Variants in FLG observed in about 807,000 individuals in gnomAD.
The protein encoded by FLG is filaggrin.
Under a neutral mutation model 3.8 loss-of-function variants are expected in FLG, and 6 were observed. That is an observed-to-expected ratio of 1.60 (90% CI 0.87 to 3.15). The LOEUF (loss-of-function observed/expected upper bound fraction) is 3.15, where lower values mean the gene tolerates loss of function less well. Among genes scored for constraint, FLG ranks in the 30% most tolerant of loss-of-function variants. The pLI is 0.00. For synonymous variants in FLG, 2,551 were observed against 1,931.6 expected (o/e 1.32, Z -8.41); for missense variants, 7,595 against 5,050.9 (o/e 1.50, Z -15.27).
rs137995883 is a variant in FLG at position 152,313,079 on chromosome 1, C to T, written c.1807G>A (p.Val603Met). The T allele has an allele frequency of 1.2e-3, 1,932 of 1,613,912 alleles. 2 individuals are homozygous for T. Among genetic ancestry groups the T allele is most frequent in the Non-Finnish European group, 1.5e-3 (1,727 of 1,180,006 alleles). Residue 603 changes from valine to methionine, a missense_variant, in exon 3 of 3, where the codon GTG (valine) becomes ATG (methionine). Transcript: ENST00000368799. ...GGCCCCGATGATTGTCCCTGGCCCACCTGTGAGTGTCTAGAGCTGTCAGCC... is the reference window on the plus strand; with the variant it reads ...GGCCCCGATGATTGTCCCTGGCCCATCTGTGAGTGTCTAGAGCTGTCAGCC... ...SQADSSRHSQ[V>M]GQGQSSGPRT...
rs1394530040 is a variant in FLG, at chr1:152,303,686, T to G, written c.11200A>C (p.Arg3734=). The G allele has an allele frequency of 6.2e-7, 1 of 1,614,078 alleles. No homozygotes were observed. Among genetic ancestry groups the G allele is most frequent in the Non-Finnish European group, 8.5e-7 (1 of 1,179,968 alleles). Residue 3734 remains arginine (R), a synonymous_variant, in exon 3 of 3, where the codon AGA becomes CGA. Coordinates refer to ENST00000368799, the MANE Select transcript of FLG (RefSeq NM_002016.2). Reference sequence around the variant, plus strand: ...GCCTGCTCGTGGCGGGATCCTTGTCTTCCTCCAGTACTGGGCCCAGCCCGT... The same window carrying G: ...GCCTGCTCGTGGCGGGATCCTTGTCGTCCTCCAGTACTGGGCCCAGCCCGT... ...HGRAGPSTGG[R]QGSRHEQARD...
At position 152,310,943 on chromosome 1, in the gene FLG, C is replaced by T. The variant is rs754231098; in HGVS notation, c.3943G>A (p.Asp1315Asn). 1.9e-6 allele frequency: 3 copies of T among 1,613,856 alleles called. No homozygotes were observed. The highest frequency in any genetic ancestry group is 2.5e-6 in the Non-Finnish European group (3 of 1,180,022). Reference protein sequence around the residue: ...GSRHPGFHQEDRASHGHSADS... With the variant: ...GSRHPGFHQENRASHGHSADS... ...GCAGAGTGCCCGTGACTGGCTCTGT[C>T]TTCTTGATGGAACCCAGGGTGTCTG... Residue 1315 changes from aspartate to asparagine, a missense_variant, in exon 3 of 3, where the codon GAC (aspartate) becomes AAC (asparagine). Transcript: ENST00000368799.
chr1:152,309,209 C>G lies in FLG; in HGVS notation c.5677G>C (p.Asp1893His). 1 of 1,613,532 alleles carries G rather than the reference C, an allele frequency of 6.2e-7. No homozygotes were observed. Among genetic ancestry groups the G allele is most frequent in the Non-Finnish European group, 8.5e-7 (1 of 1,179,910 alleles). ...CCCACCTGCGAGTGTCTAGAGCTGT[C>G]GGCCCGAGAGGAAGCTTCATGGTGA... The part of the protein sequence containing the change: ...SRHHEASSRA[D>H]SSRHSQVGQG... Residue 1893 changes from aspartate (D) to histidine (H), a missense_variant, in exon 3 of 3, where the codon GAC (aspartate) becomes CAC (histidine). Physicochemically the swap from Asp to His is moderately conservative, Grantham distance 81 (BLOSUM62 -1). Transcript: ENST00000368799.
chr1:152,308,285 C>T lies in FLG; in HGVS notation c.6601G>A (p.Asp2201Asn), dbSNP rs767185828. 4 of 1,613,576 alleles carry T rather than the reference C, an allele frequency of 2.5e-6. No homozygotes were observed. The highest frequency in any genetic ancestry group is 1.7e-5 in the Admixed American group (1 of 59,980). ...RKTYDKEQSG[D>N]GSRHSGSHHH... ...TGCGACCCTGAGTGCCTAGAGCCATCTCCTGATTGTTCCTTGTCATATGTT... is the reference window on the plus strand; with the variant it reads ...TGCGACCCTGAGTGCCTAGAGCCATTTCCTGATTGTTCCTTGTCATATGTT... Residue 2201 changes from aspartate (D) to asparagine (N), a missense_variant, in exon 3 of 3, where the codon GAT becomes AAT. Asp to Asn is a conservative substitution (Grantham distance 23). Transcript: ENST00000368799.
At position 152,309,389 on chromosome 1, in the gene FLG, C is replaced by T. The variant is rs139153630; in HGVS notation, c.5497G>A (p.Val1833Ile). 172 of 1,613,794 alleles carry T rather than the reference C, an allele frequency of 1.1e-4. 1 individual carries two copies. In the African/African-American group the frequency reaches 2.0e-3, roughly 19 times the overall value. Residue 1833 changes from valine (V) to isoleucine (I), a missense_variant, in exon 3 of 3, where the codon GTA becomes ATA. By Grantham distance (29) the Val-to-Ile change is conservative. Transcript: ENST00000368799. ...GACCCTGAGTGTCCAGAACTATCTACCGATTGCTCATAGTGGGATCCCTGC... is the reference window on the plus strand; with the variant it reads ...GACCCTGAGTGTCCAGAACTATCTATCGATTGCTCATAGTGGGATCCCTGC... ...GRQGSHYEQSVDSSGHSGSHH... is the reference protein window; with the variant it reads ...GRQGSHYEQSIDSSGHSGSHH...
In FLG at chr1:152,304,672, G is replaced by C; in HGVS notation, c.10214C>G (p.Thr3405Ser). 1 of 1,612,054 alleles carries C rather than the reference G, an allele frequency of 6.2e-7. No homozygotes were observed. The highest frequency in any genetic ancestry group is 8.5e-7 in the Non-Finnish European group (1 of 1,179,122). ...GGATCCTTGTCTTCGTCCAGTGCTG[G>C]TCCTGGTCCGCCCATGGGCAGACTC... ...QSESAHGRTR[T>S]STGRRQGSHH... The change falls in exon 3 of 3, where the codon ACC becomes AGC. Residue 3405 changes from threonine to serine, a missense_variant. Coordinates refer to ENST00000368799, the MANE Select transcript of FLG (RefSeq NM_002016.2).
Position 152,304,453 on chromosome 1 carries a change from C to A in FLG, c.10433G>T (p.Gly3478Val). Residue 3478 changes from glycine to valine, a missense_variant, in exon 3 of 3, where the codon GGG becomes GTG. Transcript: ENST00000368799. ...TSQGRSDASRGQSGSRSASRQ... is the reference protein window; with the variant it reads ...TSQGRSDASRVQSGSRSASRQ... ...GCTGGCACTTCTGGATCCTGACTGCCCACGGGAGGCATCAGACCTTCCCTG... is the reference window on the plus strand; with the variant it reads ...GCTGGCACTTCTGGATCCTGACTGCACACGGGAGGCATCAGACCTTCCCTG... 1 of 1,612,348 alleles carries A rather than the reference C, an allele frequency of 6.2e-7. No homozygotes were observed. The highest frequency in any genetic ancestry group is 8.5e-7 in the Non-Finnish European group (1 of 1,179,430).
At position 152,303,096 on chromosome 1, in the gene FLG, G is replaced by C; in HGVS notation, c.11790C>G (p.His3930Gln). Residue 3930 changes from histidine to glutamine, a missense_variant, in exon 3 of 3, where the codon CAC (histidine) becomes CAG (glutamine). Coordinates refer to ENST00000368799, the MANE Select transcript of FLG (RefSeq NM_002016.2). ...SDSSTAKEHG[H>Q]FSSLSQDSAY... The stretch of plus-strand genomic sequence containing the variant: ...CAGAATCTTGTGAAAGACTACTAAA[G>C]TGACCATGTTCCTTAGCGGTACTAG... The C allele has an allele frequency of 6.2e-7, 1 of 1,614,184 alleles. No individual in the cohort carries two copies. The highest frequency in any genetic ancestry group is 8.5e-7 in the Non-Finnish European group (1 of 1,180,030).
chr1:152,303,121 G>C lies in FLG; in HGVS notation c.11765C>G (p.Ser3922Cys), dbSNP rs530367801. ...HVQSSPVQSD[S>C]STAKEHGHFS... is the part of the protein sequence containing the mutation. ...GTGACCATGTTCCTTAGCGGTACTA[G>C]AGTCTGACTGTACAGGTGAAGACTG... Residue 3922 changes from serine (S) to cysteine (C), a missense_variant, in exon 3 of 3, where the codon TCT becomes TGT. Transcript: ENST00000368799. The C allele has an allele frequency of 8.1e-6, 13 of 1,614,188 alleles. No individual in the cohort carries two copies. The highest frequency in any genetic ancestry group is 1.1e-5 in the South Asian group (1 of 91,078).
rs199564792 is a variant in FLG, at chr1:152,308,653, C to T, written c.6233G>A (p.Gly2078Asp). The T allele has an allele frequency of 1.2e-6, 2 of 1,614,168 alleles. No homozygotes were observed. Among genetic ancestry groups the T allele is most frequent in the South Asian group, 1.1e-5 (1 of 91,086 alleles). Residue 2078 changes from glycine to aspartate, a missense_variant, in exon 3 of 3, where the codon GGC (glycine) becomes GAC (aspartate). Transcript: ENST00000368799. ...HQQSHKESAR[G>D]QSGESSGRSG... is the part of the protein sequence containing the mutation. ...ACGTCCAGAGCTTTCCCCTGACTGG[C>T]CACGTGCGGACTCTTTGTGGCTCTG... is the stretch of plus-strand genomic sequence containing the variant.
At chr1:152,324,641 C>T (rs6681457) in intron 1 of FLG, among the ~76,000 whole-genome samples, 26,495 of 151,766 alleles carry the variant, frequency 0.17, 3,671 homozygotes, top group East Asian at 0.6. Flanking sequence ...AATTTGTAAA[C>T]TTTCTTAAAA....
Position 152,314,398 on chromosome 1 carries a change from C to G in FLG, c.488G>C (p.Gly163Ala). The G allele has an allele frequency of 6.2e-7, 1 of 1,613,166 alleles. No homozygotes were observed. The highest frequency in any genetic ancestry group is 8.5e-7 in the Non-Finnish European group (1 of 1,179,834). The change falls in exon 3 of 3, where the codon GGA becomes GCA. Residue 163 changes from glycine (G) to alanine (A), a missense_variant. Coordinates refer to ENST00000368799, the MANE Select transcript of FLG (RefSeq NM_002016.2). Reference protein sequence around the residue: ...ESSSEKKERKGYSPTHREEEY... With the variant: ...ESSSEKKERKAYSPTHREEEY... ...TTCTTCTCTATGAGTAGGTGAATAT[C>G]CTTTTCTTTCTTTTTTTTCAGAACT...
chr1:152,323,692 A>G (rs1378091172), intron 1 of FLG, among the ~76,000 whole-genome samples: 1 of 148,440 alleles, frequency 6.7e-6, no homozygotes, highest in African/African-American at 2.5e-5. Flanking sequence ...TTTTTTTTTT[A>G]TGTACTGCTG....
chr1:152,313,145 T>G lies in FLG; in HGVS notation c.1741A>C (p.Thr581Pro). ...TGATGACGTGACCCTGAGTGCCTGG[T>G]GCCGTCTCCTGATTGTTCCTCATTT... ...TRNEEQSGDG[T>P]RHSGSRHHEA... Residue 581 changes from threonine to proline, a missense_variant, in exon 3 of 3, where the codon ACC becomes CCC. Physicochemically the swap from Thr to Pro is conservative, Grantham distance 38. Transcript: ENST00000368799. 1 of 1,613,816 alleles carries G rather than the reference T, an allele frequency of 6.2e-7. No individual in the cohort carries two copies. The highest frequency in any genetic ancestry group is 1.1e-5 in the South Asian group (1 of 91,060).
In FLG at chr1:152,309,098, C is replaced by T; in HGVS notation, c.5788G>A (p.Asp1930Asn). 1 of 1,614,148 alleles carries T rather than the reference C, an allele frequency of 6.2e-7. No individual in the cohort carries two copies. The highest frequency in any genetic ancestry group is 8.5e-7 in the Non-Finnish European group (1 of 1,180,024). Reference sequence around the variant, plus strand: ...GCAGACCCAGACCACCTCTCAGAGTCTTCTGAGTGTCCCTGACTGTCACTG... The same window carrying T: ...GCAGACCCAGACCACCTCTCAGAGTTTTCTGAGTGTCCCTGACTGTCACTG... ...QDSDSQGHSE[D>N]SERWSGSASR... The change falls in exon 3 of 3, where the codon GAC (aspartate) becomes AAC (asparagine). Residue 1930 changes from aspartate (D) to asparagine (N), a missense_variant. By Grantham distance (23) the Asp-to-Asn change is conservative. Coordinates refer to ENST00000368799, the MANE Select transcript of FLG (RefSeq NM_002016.2).
In FLG at chr1:152,303,112, G is replaced by A. The variant is rs765901855; in HGVS notation, c.11774C>T (p.Ala3925Val). 27 of 1,614,080 alleles carry A rather than the reference G, an allele frequency of 1.7e-5. No homozygotes were observed. The highest frequency in any genetic ancestry group is 2.3e-5 in the Non-Finnish European group (27 of 1,180,048). Residue 3925 changes from alanine to valine, a missense_variant, in exon 3 of 3, where the codon GCT (alanine) becomes GTT (valine). Physicochemically the swap from Ala to Val is moderately conservative, Grantham distance 64. Coordinates refer to ENST00000368799, the MANE Select transcript of FLG (RefSeq NM_002016.2). ...ACTACTAAAGTGACCATGTTCCTTA[G>A]CGGTACTAGAGTCTGACTGTACAGG... ...SSPVQSDSST[A>V]KEHGHFSSLS...
At position 152,309,529 on chromosome 1, in the gene FLG, G is replaced by A. The variant is rs774500513; in HGVS notation, c.5357C>T (p.Thr1786Ile). Residue 1786 changes from threonine to isoleucine, a missense_variant, in exon 3 of 3, where the codon ACT becomes ATT. By Grantham distance (89) the Thr-to-Ile change is moderately conservative. Coordinates refer to ENST00000368799, the MANE Select transcript of FLG (RefSeq NM_002016.2). ...ESAHGRTGPS[T>I]GGRQRSRHEQ... ...GTGGCGGGATCTTTGTCTTCCTCCA[G>A]TGCTGGGCCCTGTGCGTCCATGGGC... is the stretch of plus-strand genomic sequence containing the variant. The A allele has an allele frequency of 5.0e-6, 8 of 1,613,858 alleles. No individual in the cohort carries two copies. The highest frequency in any genetic ancestry group is 2.7e-5 in the African/African-American group (2 of 74,954).
chr1:152,315,066 TA>T (rs1484076045), intron 2 of FLG: 3 of 403,644 alleles, frequency 7.4e-6, no homozygotes, highest in Non-Finnish European at 1.3e-5. Context: ...GAGAATATTA[TA>T]AATACCAAAA....
chr1:152,321,100 A>G (rs946385172), intron 1 of FLG, among the ~76,000 whole-genome samples: 7 of 150,836 alleles, frequency 4.6e-5, no homozygotes, highest in Non-Finnish European at 7.4e-5. Context: ...ACTCACATAT[A>G]TATGTATATA....
Sources: gnomAD v4.1 joint callset for allele counts (sites outside exome capture counted in the v4.1 genomes callset) on GRCh38, gnomAD v4.1.1 for gene constraint, MANE v1.5 for transcripts, NCBI Gene and HGNC (gene_info 2026-07-23, HGNC 2026-07-21) for gene names.